The following CNTN6 variants were observed in gnomAD, a reference collection of about 807,000 sequenced individuals.
CNTN6 encodes contactin 6.
In CNTN6, 137 loss-of-function variants were observed where a neutral mutation model predicts 122.8. The ratio of observed to expected loss-of-function variants is 1.12; its 90% confidence interval spans 0.97 to 1.29. The LOEUF is 1.29. Among genes scored for constraint, CNTN6 ranks in the 50% most tolerant of loss-of-function variants. The probability of loss-of-function intolerance (pLI) is 0.00; values close to 1 mark genes in which losing one functional copy is unlikely to be tolerated. For synonymous variants in CNTN6, 570 were observed against 426.0 expected, an observed-to-expected ratio of 1.34 and a Z score of -4.16; for missense variants, 1,634 against 1,223.4, an observed-to-expected ratio of 1.34 and a Z score of -5.01.
chr3:1,245,197 GATATAT>G (rs1217220571), intron 4 of CNTN6, among the ~76,000 whole-genome samples: 1,420 of 20,164 alleles, frequency 0.07, 228 homozygotes, highest in East Asian at 0.26. Flanking sequence ...AAGAAAATGT[GATATAT>G]ATATATATAT....
At chr3:1,162,169 A>G (rs2093149883) in intron 2 of CNTN6, among the ~76,000 whole-genome samples, 1 of 152,198 alleles carries the variant, frequency 6.6e-6, no homozygotes. Flanking sequence ...AACTAAAAAC[A>G]ACATTTGAGT....
intron 2 of CNTN6, among the ~76,000 whole-genome samples, chr3:1,157,313 G>A (rs1414771709): frequency 2.0e-5 from 3 of 152,026 alleles, no homozygotes; most frequent in Non-Finnish European, 4.4e-5. Context: ...TGCCTCCCAG[G>A]TTCAAGCGTT....
chr3:1,177,455 T>C (rs949826556), intron 2 of CNTN6, among the ~76,000 whole-genome samples: 2 of 152,230 alleles, frequency 1.3e-5, no homozygotes, highest in Admixed American at 6.5e-5. Flanking sequence ...ATTGTATTTT[T>C]GTCTTCATTT....
intron 1 of CNTN6, among the ~76,000 whole-genome samples, chr3:1,131,262 G>T (rs890466188): frequency 1.3e-5 from 2 of 152,028 alleles, no homozygotes; most frequent in African/African-American, 4.8e-5. Context: ...AATTATCCAT[G>T]ACTAGTCACA....
At chr3:1,334,995 A>ATG (rs1702838017) in intron 11 of CNTN6, among the ~76,000 whole-genome samples, 1 of 152,140 alleles carries the variant, frequency 6.6e-6, no homozygotes, top group Non-Finnish European at 1.5e-5. Context: ...ATAAAGTGTT[A>ATG]AGCCAGATAG....
At chr3:1,177,898 A>ATTTTTT (rs11303380) in intron 2 of CNTN6, among the ~76,000 whole-genome samples, 7 of 133,418 alleles carry the variant, frequency 5.2e-5, no homozygotes, top group Non-Finnish European at 7.9e-5. Flanking sequence ...TGCCCTTTCC[A>ATTTTTT]TTTTTTTTTT....
At chr3:1,296,518 TA>T (rs1232574294) in intron 6 of CNTN6, among the ~76,000 whole-genome samples, 1 of 152,122 alleles carries the variant, frequency 6.6e-6, no homozygotes, top group African/African-American at 2.4e-5. Flanking sequence ...TTCATACAGG[TA>T]GAAAATTTGT....
At chr3:1,255,425 A>G (rs994401629) in intron 4 of CNTN6, among the ~76,000 whole-genome samples, 1 of 144,288 alleles carries the variant, frequency 6.9e-6, no homozygotes, top group Non-Finnish European at 1.5e-5. Flanking sequence ...TGGAAAAAAA[A>G]AAAGAAAGAA....
intron 4 of CNTN6, among the ~76,000 whole-genome samples, chr3:1,264,328 G>C (rs2094893387): frequency 6.6e-6 from 1 of 152,102 alleles, no homozygotes; most frequent in Non-Finnish European, 1.5e-5. Flanking sequence ...AAATACATGA[G>C]TTAGTGAACA....
chr3:1,377,539 T>C (rs559490249), intron 17 of CNTN6, among the ~76,000 whole-genome samples: 1 of 152,288 alleles, frequency 6.6e-6, no homozygotes, highest in Admixed American at 6.5e-5. Context: ...TCATTCTTAT[T>C]ACCCATTAAC....
intron 4 of CNTN6, among the ~76,000 whole-genome samples, chr3:1,271,378 G>A (rs1458566714): frequency 6.6e-6 from 1 of 152,206 alleles, no homozygotes; most frequent in Non-Finnish European, 1.5e-5. Context: ...GAAGGCAGAC[G>A]CAAGTAAGAG....
chr3:1,292,836 C>T (rs1247225715), intron 5 of CNTN6, among the ~76,000 whole-genome samples: 1 of 152,120 alleles, frequency 6.6e-6, no homozygotes, highest in Admixed American at 6.5e-5. Flanking sequence ...TTTCCCTCCA[C>T]TCACTCTGAG....
At chr3:1,300,578 AAAGAAAG>A (rs1367646273) in intron 7 of CNTN6, among the ~76,000 whole-genome samples, 5 of 36,438 alleles carry the variant, frequency 1.4e-4, no homozygotes, top group Non-Finnish European at 2.7e-4. Context: ...AGAAAGAAAG[AAAGAAAG>A]AAAGAAAGAA....
At chr3:1,291,469 T>C (rs1475524863) in intron 5 of CNTN6, among the ~76,000 whole-genome samples, 1 of 152,192 alleles carries the variant, frequency 6.6e-6, no homozygotes, top group Non-Finnish European at 1.5e-5. Context: ...CTGTAATTTT[T>C]GTTAAGTGAA....
At chr3:1,236,209 T>C (rs2094419565) in intron 4 of CNTN6, among the ~76,000 whole-genome samples, 1 of 152,010 alleles carries the variant, frequency 6.6e-6, no homozygotes, top group East Asian at 1.9e-4. Context: ...ACCTGAATAC[T>C]TTTGCATCCT....
intron 11 of CNTN6, among the ~76,000 whole-genome samples, chr3:1,331,697 C>T (rs1046068672): frequency 3.9e-5 from 6 of 151,984 alleles, no homozygotes; most frequent in South Asian, 2.1e-4. Context: ...AACTGTGCCT[C>T]ATTTAATAAA....
rs2090325582 is a variant in CNTN6 at position 1,093,041 on chromosome 3, C to T, written c.-162C>T. On this transcript the variant is annotated 5_prime_UTR_variant, in exon 1 of 23. Coordinates refer to ENST00000446702, the MANE Select transcript of CNTN6 (RefSeq NM_001289080.2). ...GACATTCCATACGGCTTGGTTCTGC[C>T]TGGACGCACAGCATGCCTGGCTGAG... 3.0e-6 allele frequency: 1 copy of T among 334,162 alleles called. No homozygotes were observed. The highest frequency in any genetic ancestry group is 5.9e-6 in the Non-Finnish European group (1 of 168,428). The allele number at this position is 334,162 out of a possible 1,614,324, so 20.7% of individuals were successfully genotyped here.
At chr3:1,356,320 A>T (rs1706550427) in intron 12 of CNTN6, among the ~76,000 whole-genome samples, 1 of 151,948 alleles carries the variant, frequency 6.6e-6, no homozygotes, top group South Asian at 2.1e-4. Context: ...GTTATTTTCA[A>T]CTGAAATGTC....
chr3:1,264,725 T>G (rs2094899771), intron 4 of CNTN6, among the ~76,000 whole-genome samples: 1 of 152,160 alleles, frequency 6.6e-6, no homozygotes, highest in South Asian at 2.1e-4. Flanking sequence ...ACATTTAAAA[T>G]CTACTCTTCT....
Sources: allele counts gnomAD v4.1 joint callset (sites outside exome capture counted in the v4.1 genomes callset), GRCh38; gene constraint gnomAD v4.1.1; transcripts MANE v1.5; gene names NCBI Gene and HGNC (gene_info 2026-07-23, HGNC 2026-07-21).